PTPRG: variants seen among roughly 807,000 people sequenced by gnomAD.
PTPRG encodes the protein protein tyrosine phosphatase receptor type G, also known as receptor-type tyrosine-protein phosphatase gamma.
A neutral mutation model predicts 165.3 loss-of-function variants in PTPRG; 102 were observed. The ratio of observed to expected loss-of-function variants is 0.62; its 90% CI spans 0.53 to 0.73. The LOEUF (loss-of-function observed/expected upper bound fraction) is 0.73. Among genes scored for constraint, PTPRG ranks in the 30% least tolerant of loss-of-function variants. The pLI, the probability that PTPRG is intolerant of heterozygous loss-of-function variation, is 0.00. For synonymous variants in PTPRG, 675 were observed against 669.5 expected (o/e 1.01, Z -0.13); for missense variants, 1,866 against 1,861.4 (o/e 1.00, Z -0.05).
intron 4 of PTPRG, among the ~76,000 whole-genome samples, chr3:62,027,786 T>C (rs934139435): frequency 1.3e-5 from 2 of 152,110 alleles, no homozygotes; most frequent in African/African-American, 2.4e-5. Flanking sequence ...AAAAAAAGGA[T>C]TTGCTAAATG....
At chr3:61,841,913 A>T (rs2036647157) in intron 2 of PTPRG, among the ~76,000 whole-genome samples, 1 of 152,216 alleles carries the variant, frequency 6.6e-6, no homozygotes. Context: ...AAAAATCCCG[A>T]TGGTGGAAGG....
intron 2 of PTPRG, among the ~76,000 whole-genome samples, chr3:61,956,397 T>C (rs2040030925): frequency 6.7e-6 from 1 of 148,726 alleles, no homozygotes; most frequent in Non-Finnish European, 1.5e-5. Context: ...CAGAATCATT[T>C]CACAACCTTC....
At chr3:61,848,655 T>C (rs1476312103) in intron 2 of PTPRG, among the ~76,000 whole-genome samples, 1 of 152,186 alleles carries the variant, frequency 6.6e-6, no homozygotes, top group Non-Finnish European at 1.5e-5. Context: ...GTTCCTATAA[T>C]GAACATGGAA....
intron 3 of PTPRG, among the ~76,000 whole-genome samples, chr3:61,992,629 C>G (rs1411413567): frequency 6.6e-6 from 1 of 152,140 alleles, no homozygotes; most frequent in African/African-American, 2.4e-5. Context: ...AAGCAATTCT[C>G]CCACCTCAGC....
At chr3:61,742,317 C>T (rs1277121534) in intron 1 of PTPRG, 2 of 589,338 alleles carry the variant, frequency 3.4e-6, no homozygotes, top group Non-Finnish European at 5.8e-6. Flanking sequence ...AAATGAGGCA[C>T]GTAGGAAACA....
intron 1 of PTPRG, among the ~76,000 whole-genome samples, chr3:61,600,972 G>T (rs145935434): frequency 1.3e-5 from 2 of 152,100 alleles, no homozygotes; most frequent in Non-Finnish European, 2.9e-5. Context: ...GAGCTTTTTT[G>T]GGCCAGATGT....
At chr3:62,180,032 G>A (rs932078926) in intron 8 of PTPRG, among the ~76,000 whole-genome samples, 3 of 152,164 alleles carry the variant, frequency 2.0e-5, no homozygotes, top group African/African-American at 4.8e-5. Context: ...AGCATAGTAG[G>A]TACCAAGCCG....
intron 7 of PTPRG, among the ~76,000 whole-genome samples, chr3:62,163,733 A>G (rs956982364): frequency 1.3e-5 from 2 of 152,252 alleles, no homozygotes; most frequent in African/African-American, 2.4e-5. Context: ...GCCAGGAATC[A>G]TTCCAAATAT....
intron 2 of PTPRG, among the ~76,000 whole-genome samples, chr3:61,780,923 T>G (rs185017452): frequency 6.6e-6 from 1 of 152,356 alleles, no homozygotes; most frequent in East Asian, 1.9e-4. Flanking sequence ...GGGATTTTGC[T>G]AACAAAAACA....
chr3:61,641,706 A>G (rs1430347702), intron 1 of PTPRG, among the ~76,000 whole-genome samples: 2 of 152,226 alleles, frequency 1.3e-5, no homozygotes, highest in Admixed American at 6.5e-5. Flanking sequence ...AGATGTCTTC[A>G]TGAAATCTGA....
chr3:61,983,691 T>C (rs2040692241), intron 2 of PTPRG, among the ~76,000 whole-genome samples: 1 of 152,156 alleles, frequency 6.6e-6, no homozygotes, highest in Non-Finnish European at 1.5e-5. Context: ...ATTCCTTGCT[T>C]TTAGACAAAA....
chr3:61,792,604 C>G (rs1436602146), intron 2 of PTPRG, among the ~76,000 whole-genome samples: 1 of 152,166 alleles, frequency 6.6e-6, no homozygotes, highest in Non-Finnish European at 1.5e-5. Flanking sequence ...GTTCATATCT[C>G]AGGTGTGCTA....
intron 1 of PTPRG, chr3:61,659,587 T>G (rs1226376493): frequency 2.3e-6 from 1 of 431,598 alleles, no homozygotes; most frequent in Non-Finnish European, 3.1e-6. Context: ...GTCATGTTCC[T>G]TCTCTGAAGA....
chr3:61,719,311 G>A (rs762369775), intron 1 of PTPRG, among the ~76,000 whole-genome samples: 2 of 152,208 alleles, frequency 1.3e-5, no homozygotes, highest in African/African-American at 2.4e-5. Context: ...AGAGAAGACT[G>A]CAGGTGTTCT....
At position 62,203,866 on chromosome 3, in the gene PTPRG, A is replaced by G. The variant is rs779565881; in HGVS notation, c.2071A>G (p.Lys691Glu). The G allele has an allele frequency of 6.2e-7, 1 of 1,613,838 alleles. No individual in the cohort carries two copies. Among genetic ancestry groups the G allele is most frequent in the East Asian group, 2.2e-5 (1 of 44,876 alleles). The part of the protein sequence containing the change: ...TEEQYAGSDP[K>E]RPEMPSKKPM... ...GGAGCAGTATGCAGGGAGTGATCCC[A>G]AGAGGCCCGAAATGCCATCTAAAAA... The change falls in exon 12 of 30, where the codon AAG (lysine) becomes GAG (glutamate). Residue 691 changes from lysine to glutamate, a missense_variant. Physicochemically the swap from Lys to Glu is moderately conservative, Grantham distance 56. Around this residue, in one of 3 missense-constraint regions of PTPRG, gnomAD observed 1,452 missense variants for 1,463.0 expected, o/e 0.99. Coordinates refer to ENST00000474889, the MANE Select transcript of PTPRG (RefSeq NM_002841.4). This position sits in a 1 kb window ranked among gnomAD's most constrained non-coding sequence, Gnocchi z 6.4.
intron 3 of PTPRG, among the ~76,000 whole-genome samples, chr3:61,990,565 A>G (rs1283818232): frequency 9.2e-5 from 14 of 152,222 alleles, no homozygotes; most frequent in Admixed American, 9.2e-4. Flanking sequence ...CCTTGTAAGT[A>G]CCAGAGAATG....
intron 4 of PTPRG, among the ~76,000 whole-genome samples, chr3:62,020,417 A>T (rs2041663006): frequency 6.6e-6 from 1 of 152,232 alleles, no homozygotes; most frequent in African/African-American, 2.4e-5. Context: ...ATATAAAAAT[A>T]ATTTTTTCTC....
At chr3:62,072,566 T>C (rs1701243630) in intron 4 of PTPRG, among the ~76,000 whole-genome samples, 1 of 152,048 alleles carries the variant, frequency 6.6e-6, no homozygotes. Flanking sequence ...GGTGGCTTTT[T>C]AATTGAGTTT....
intron 14 of PTPRG, among the ~76,000 whole-genome samples, chr3:62,239,360 C>CTTTTTTTTTTTTTTTTTTT (rs776921598): frequency 3.1e-4 from 38 of 124,492 alleles, no homozygotes; most frequent in East Asian, 7.0e-4. Flanking sequence ...TTTTTTCTTT[C>CTTTTTTTTTTTTTTTTTTT]TTTTTTTTTT....
Sources: allele counts gnomAD v4.1 joint callset (sites outside exome capture counted in the v4.1 genomes callset), GRCh38; gene constraint gnomAD v4.1.1; regional missense constraint gnomAD v4.1.1; non-coding constraint Gnocchi (gnomAD v3.1); transcripts MANE v1.5; gene names NCBI Gene and HGNC (gene_info 2026-07-23, HGNC 2026-07-21).